GLB1: variants seen among roughly 807,000 people sequenced by gnomAD.
GLB1 encodes beta-galactosidase.
A neutral mutation model predicts 74.0 loss-of-function variants in GLB1; 56 were observed. The ratio of observed to expected loss-of-function variants is 0.76; its 90% CI spans 0.61 to 0.94. GLB1 has a LOEUF of 0.94. GLB1 is among the 40% of genes least tolerant of loss of function. GLB1 has a pLI of 0.00. For synonymous variants in GLB1, 323 were observed against 323.6 expected, an observed-to-expected ratio of 1.00 and a Z score of 0.02; for missense variants, 787 against 845.5, an observed-to-expected ratio of 0.93 and a Z score of 0.86.
Position 33,068,329 on chromosome 3 carries a change from G to A in GLB1, c.397-39C>T, listed in dbSNP as rs184817230. The A allele has an allele frequency of 9.4e-5, 151 of 1,613,142 alleles. No individual in the cohort carries two copies. The East Asian group carries it at 2.4e-3, about 25-fold the overall frequency. On this transcript the variant is annotated intron_variant, in intron 3 of 15. Transcript: ENST00000307363. ...AACAAGCCATTATAATGTCTGTTCC[G>A]TGAAGGGTGCTCAGAGGAGATAGAA...
chr3:33,028,464 C>A (rs1442705282), intron 10 of GLB1, among the ~76,000 whole-genome samples: 1 of 151,938 alleles, frequency 6.6e-6, no homozygotes, highest in Non-Finnish European at 1.5e-5. Flanking sequence ...CCTATGTCGC[C>A]TCTTTTTTCT....
At chr3:32,989,748 G>C in the GLB1 span, among the ~76,000 whole-genome samples, 1 of 152,230 alleles carries the variant, frequency 6.6e-6, no homozygotes, top group African/African-American at 2.4e-5. Flanking sequence ...ATAGTAAGAA[G>C]AGTGTGGGAT....
At chr3:33,034,544 T>C (rs1698189222) in intron 10 of GLB1, 1 of 729,304 alleles carries the variant, frequency 1.4e-6, no homozygotes, top group Non-Finnish European at 2.5e-6. Context: ...TGCCAGCTGC[T>C]CCTGGGATGG....
chr3:32,964,891 C>T, the GLB1 span, among the ~76,000 whole-genome samples: 1 of 152,302 alleles, frequency 6.6e-6, no homozygotes, highest in African/African-American at 2.4e-5. Flanking sequence ...TTTTCCCATG[C>T]TGTTCTTGTG....
At chr3:32,966,457 C>T in the GLB1 span, among the ~76,000 whole-genome samples, 68 of 152,310 alleles carry the variant, frequency 4.5e-4, 2 homozygotes, top group South Asian at 0.014. Flanking sequence ...ATGCCTGTAA[C>T]CCCATTGTAT....
Position 32,996,991 on chromosome 3 carries a change from G to C in GLB1, c.*54C>G. ...TCAGTGAAATGTGGCATGACAGGGA[G>C]GATCTGTGAGGTATGTTCAGGGTAG... On this transcript the variant is annotated 3_prime_UTR_variant, in exon 16 of 16. Coordinates refer to ENST00000307363, the MANE Select transcript of GLB1 (RefSeq NM_000404.4). 1 of 1,613,518 alleles carries C rather than the reference G, an allele frequency of 6.2e-7. No homozygotes were observed. Among genetic ancestry groups the C allele is most frequent in the Non-Finnish European group, 8.5e-7 (1 of 1,179,798 alleles).
At chr3:33,012,465 T>C (rs762614433) in intron 15 of GLB1, among the ~76,000 whole-genome samples, 7 of 152,180 alleles carry the variant, frequency 4.6e-5, no homozygotes, top group South Asian at 2.1e-4. Context: ...CCTTCAGCCA[T>C]GTAAGGACAT....
intron 15 of GLB1, among the ~76,000 whole-genome samples, chr3:33,005,787 C>T (rs1279046024): frequency 6.6e-6 from 1 of 152,112 alleles, no homozygotes. Flanking sequence ...TGAGCCATCG[C>T]GTCGGCCAGG....
intron 10 of GLB1, among the ~76,000 whole-genome samples, chr3:33,043,198 A>T (rs1698574344): frequency 6.6e-6 from 1 of 152,214 alleles, no homozygotes; most frequent in Non-Finnish European, 1.5e-5. Flanking sequence ...AGGAGTGTAT[A>T]TTGTAGGAAC....
chr3:33,001,776 G>C (rs1439620933), intron 15 of GLB1, among the ~76,000 whole-genome samples: 1 of 152,156 alleles, frequency 6.6e-6, no homozygotes, highest in Non-Finnish European at 1.5e-5. Flanking sequence ...CGTTGAAGAG[G>C]TGACATGAAG....
chr3:32,981,090 CAAAAAAAAA>C, the GLB1 span, among the ~76,000 whole-genome samples: 35 of 46,298 alleles, frequency 7.6e-4, no homozygotes, highest in South Asian at 1.3e-3. Context: ...GACTCCGTCT[CAAAAAAAAA>C]AAAAAAAAAA....
chr3:33,038,541 A>C (rs1698379282), intron 10 of GLB1, among the ~76,000 whole-genome samples: 1 of 152,244 alleles, frequency 6.6e-6, no homozygotes, highest in Non-Finnish European at 1.5e-5. Context: ...AATTCCAAAA[A>C]AATGGAAAAT....
chr3:33,046,124 T>C lies in GLB1; in HGVS notation c.1064A>G (p.Gln355Arg). The C allele has an allele frequency of 6.2e-7, 1 of 1,612,820 alleles. No homozygotes were observed. The highest frequency in any genetic ancestry group is 8.5e-7 in the Non-Finnish European group (1 of 1,179,844). The stretch of plus-strand genomic sequence containing the variant: ...CAGCTCATACAAAGCACCCACCTTC[T>C]GGATGATGTTTCGCAGAGCAAAATA... ...EKYFALRNII[Q>R]KFEKVPEGPI... The change falls in exon 10 of 16, where the codon CAG (glutamine) becomes CGG (arginine). Residue 355 changes from glutamine to arginine, a missense_variant. Coordinates refer to ENST00000307363, the MANE Select transcript of GLB1 (RefSeq NM_000404.4).
In GLB1 at chr3:33,093,742, C is replaced by A; in HGVS notation, c.75+3269G>T. ...CTTGTCTTCTCAAGGCTGCCCACGA[C>A]CCTACCACTGCGCCAGGCCAAGAGC... On this transcript the variant is annotated intron_variant, in intron 1 of 15. Transcript: ENST00000307363. This position sits in a 1 kb window ranked among gnomAD's most constrained non-coding sequence, Gnocchi z 6.0. 6.2e-7 allele frequency: 1 copy of A among 1,613,914 alleles called. No homozygotes were observed. The highest frequency in any genetic ancestry group is 8.5e-7 in the Non-Finnish European group (1 of 1,179,902).
intron 4 of GLB1, among the ~76,000 whole-genome samples, chr3:33,067,157 C>A (rs1263097501): frequency 2.0e-5 from 3 of 152,152 alleles, no homozygotes; most frequent in South Asian, 4.2e-4. Flanking sequence ...CATGCACCAC[C>A]ACACCCAGCT....
the GLB1 span, among the ~76,000 whole-genome samples, chr3:32,969,774 C>T: frequency 6.6e-6 from 1 of 152,240 alleles, no homozygotes; most frequent in Non-Finnish European, 1.5e-5. Context: ...AAAAACAGCA[C>T]TAAAGACATC....
intron 1 of GLB1, among the ~76,000 whole-genome samples, chr3:33,075,002 G>C (rs1455072407): frequency 6.6e-6 from 1 of 152,134 alleles, no homozygotes; most frequent in African/African-American, 2.4e-5. Context: ...AAACAACTAA[G>C]AATCATTTTT....
At chr3:32,983,665 AAAT>A in the GLB1 span, among the ~76,000 whole-genome samples, 3 of 151,638 alleles carry the variant, frequency 2.0e-5, no homozygotes, top group South Asian at 2.1e-4. Flanking sequence ...TTGACCTTGA[AAAT>A]AATAATAATA....
At chr3:32,962,515 G>A in the GLB1 span, among the ~76,000 whole-genome samples, 23 of 152,122 alleles carry the variant, frequency 1.5e-4, no homozygotes, top group African/African-American at 5.5e-4. Flanking sequence ...GAAAGGGGAA[G>A]GGAAAATATT....
Sources: allele counts gnomAD v4.1 joint callset (sites outside exome capture counted in the v4.1 genomes callset), GRCh38; gene constraint gnomAD v4.1.1; non-coding constraint Gnocchi (gnomAD v3.1); transcripts MANE v1.5; gene names NCBI Gene and HGNC (gene_info 2026-07-23, HGNC 2026-07-21).